PHETA2: variants seen among roughly 807,000 people sequenced by gnomAD.
The protein encoded by PHETA2 is PH domain containing endocytic trafficking adaptor 2.
For missense variants in PHETA2, 321 were observed against 341.3 expected, an observed-to-expected ratio of 0.94 and a Z score of 0.47; for synonymous variants, 133 against 142.9, an observed-to-expected ratio of 0.93 and a Z score of 0.50.
Position 42,077,271 on chromosome 22 carries a change from G to T in PHETA2, c.-14-9G>T. 6.6e-7 allele frequency: 1 copy of T among 1,515,560 alleles called. No homozygotes were observed. The highest frequency in any genetic ancestry group is 8.8e-7 in the Non-Finnish European group (1 of 1,133,346). The allele number at this position is 1,515,560 out of a possible 1,614,324, so 93.9% of individuals were successfully genotyped here. A position where few individuals can be genotyped will look rare whatever the true frequency, so the allele number is the denominator to read the frequency against. On this transcript the variant is annotated splice_polypyrimidine_tract_variant and intron_variant, in intron 2 of 2. Transcript: ENST00000321753. ...TCTCTGATCTGCTGCCATCTCTCTT[G>T]CCTCACAGTTCCCGTGGGAGCCATG...
Position 42,077,475 on chromosome 22 carries a change from G to A in PHETA2, c.182G>A (p.Arg61Gln), listed in dbSNP as rs772638586. The change falls in exon 3 of 3, where the codon CGG (arginine) becomes CAG (glutamine). Residue 61 changes from arginine (R) to glutamine (Q), a missense_variant. Physicochemically the swap from Arg to Gln is conservative, Grantham distance 43. Coordinates refer to ENST00000321753, the MANE Select transcript of PHETA2 (RefSeq NM_001002034.3). ...LLFSFESREGRAPLSLVVLEG... is the reference protein window; with the variant it reads ...LLFSFESREGQAPLSLVVLEG... Reference sequence around the variant, plus strand: ...TTCTCCTTTGAGAGTCGCGAGGGCCGGGCCCCACTGAGCCTGGTGGTGCTG... The same window carrying A: ...TTCTCCTTTGAGAGTCGCGAGGGCCAGGCCCCACTGAGCCTGGTGGTGCTG... The A allele has an allele frequency of 5.0e-6, 8 of 1,613,982 alleles. No individual in the cohort carries two copies. In the Admixed American group the frequency reaches 8.3e-5, roughly 17 times the overall value.
chr22:42,075,471 G>A lies in PHETA2; in HGVS notation c.-96-100G>A, dbSNP rs1927248477. ...GGGGGGATTCTCAGGGGTCAGGGAA[G>A]GCTTCCCGGTGGAGGCTGTGGTTTC... On this transcript the variant is annotated intron_variant, in intron 1 of 2. Transcript: ENST00000321753. The surrounding 1 kb of genome is among the most constrained non-coding windows in gnomAD (Gnocchi z 4.8). The A allele has an allele frequency of 6.6e-6, 1 of 152,482 alleles. No homozygotes were observed. Among genetic ancestry groups the A allele is most frequent in the Admixed American group, 6.5e-5 (1 of 15,288 alleles). 9.4% of individuals were successfully genotyped at this position (152,482 alleles called of 1,614,324 possible). A position where few individuals can be genotyped will look rare whatever the true frequency, so the allele number is the denominator to read the frequency against.
In PHETA2 at chr22:42,079,297, G is replaced by T. The variant is rs977765561; in HGVS notation, c.*1224G>T. The T allele has an allele frequency of 9.4e-5, 16 of 170,112 alleles. No homozygotes were observed. The highest frequency in any genetic ancestry group is 3.6e-4 in the African/African-American group (15 of 41,592). 10.5% of individuals were successfully genotyped at this position (170,112 alleles called of 1,614,324 possible). On this transcript the variant is annotated 3_prime_UTR_variant, in exon 3 of 3. Transcript: ENST00000321753. ...TAAGAGGCGGAGATGCGCCCAAGGC[G>T]GGCGCCCGGCCTGTTCCCCAGCCCT... is the stretch of plus-strand genomic sequence containing the variant.
Position 42,077,403 on chromosome 22 carries a change from G to A in PHETA2, c.110G>A (p.Ser37Asn), listed in dbSNP as rs1927326482. Residue 37 changes from serine to asparagine, a missense_variant, in exon 3 of 3, where the codon AGT becomes AAT. Ser to Asn is a conservative substitution (Grantham distance 46, BLOSUM62 1). Coordinates refer to ENST00000321753, the MANE Select transcript of PHETA2 (RefSeq NM_001002034.3). ...WGGPGTPPTP[S>N]GTGRRCWFVL... ...GGCCCAGGGACCCCACCGACCCCCA[G>A]TGGCACTGGCCGAAGATGCTGGTTT... 1 of 1,611,590 alleles carries A rather than the reference G, an allele frequency of 6.2e-7. No individual in the cohort carries two copies. The highest frequency in any genetic ancestry group is 1.1e-5 in the South Asian group (1 of 90,766).
chr22:42,076,496 T>C (rs1400113514), intron 2 of PHETA2, among the ~76,000 whole-genome samples: 1 of 152,078 alleles, frequency 6.6e-6, no homozygotes, highest in Non-Finnish European at 1.5e-5. Context: ...TTCACCATGT[T>C]GGCCAGGCTG....
In PHETA2 at chr22:42,078,351, C is replaced by T. The variant is rs1927426782; in HGVS notation, c.*278C>T. ...CTGCACTGGCCTGACTGCCCCCTCC[C>T]AGGGGATGTTAATGAAATGAAGGAA... On this transcript the variant is annotated 3_prime_UTR_variant, in exon 3 of 3. Transcript: ENST00000321753. 2.4e-6 allele frequency: 1 copy of T among 421,288 alleles called. No homozygotes were observed. The highest frequency in any genetic ancestry group is 2.1e-5 in the African/African-American group (1 of 48,528). 26.1% of individuals were successfully genotyped at this position (421,288 alleles called of 1,614,324 possible).
rs1225653018 is a variant in PHETA2, at chr22:42,077,500, G to A, written c.207G>A (p.Leu69=). 1.9e-6 allele frequency: 3 copies of A among 1,614,042 alleles called. No homozygotes were observed. The highest frequency in any genetic ancestry group is 1.7e-6 in the Non-Finnish European group (2 of 1,180,036). Residue 69 remains leucine, a synonymous_variant, in exon 3 of 3, where the codon CTG becomes CTA. Coordinates refer to ENST00000321753, the MANE Select transcript of PHETA2 (RefSeq NM_001002034.3). The stretch of plus-strand genomic sequence containing the variant: ...GGGCCCCACTGAGCCTGGTGGTGCT[G>A]GAAGGCTGCACAGTGGAACTGGCCG... The part of the protein sequence containing the change: ...EGRAPLSLVV[L]EGCTVELAEA...
rs901539002 is a variant in PHETA2, at chr22:42,078,312, C to A, written c.*239C>A. On this transcript the variant is annotated 3_prime_UTR_variant, in exon 3 of 3. Transcript: ENST00000321753. ...GAGACTTAGCAGCCACAGAGCAAGA[C>A]CCCAATCTCCTGACTGCACTGGCCT... 3.9e-6 allele frequency: 2 copies of A among 516,044 alleles called. No homozygotes were observed. The highest frequency in any genetic ancestry group is 6.9e-6 in the Non-Finnish European group (2 of 288,530). 32.0% of individuals were successfully genotyped at this position (516,044 alleles called of 1,614,324 possible).
intron 1 of PHETA2, among the ~76,000 whole-genome samples, chr22:42,074,790 G>C (rs373895419): frequency 7.9e-5 from 12 of 152,230 alleles, no homozygotes; most frequent in African/African-American, 2.6e-4. Flanking sequence ...CCCTTCCTGG[G>C]CCCCCCCTAC....
chr22:42,077,857 G>A lies in PHETA2; in HGVS notation c.564G>A (p.Ala188=), dbSNP rs746475341. ...GCCCTGTGGGCTTGGTTGAAGAAGC[G>A]GGCAGCAGGTCTGCAGGGTGGGGGT... The part of the protein sequence containing the change: ...DSSPVGLVEE[A]GSRSAGWGLA... Residue 188 remains alanine, a synonymous_variant, in exon 3 of 3, where the codon GCG becomes GCA. Coordinates refer to ENST00000321753, the MANE Select transcript of PHETA2 (RefSeq NM_001002034.3). 28 of 1,613,324 alleles carry A rather than the reference G, an allele frequency of 1.7e-5. No homozygotes were observed. The Middle Eastern group carries it at 8.3e-4, about 48-fold the overall frequency.
chr22:42,077,477 G>T lies in PHETA2; in HGVS notation c.184G>T (p.Ala62Ser). The T allele has an allele frequency of 6.2e-7, 1 of 1,614,106 alleles. No homozygotes were observed. Among genetic ancestry groups the T allele is most frequent in the Non-Finnish European group, 8.5e-7 (1 of 1,180,010 alleles). The change falls in exon 3 of 3, where the codon GCC (alanine) becomes TCC (serine). Residue 62 changes from alanine to serine, a missense_variant. Coordinates refer to ENST00000321753, the MANE Select transcript of PHETA2 (RefSeq NM_001002034.3). ...LFSFESREGR[A>S]PLSLVVLEGC... ...CTCCTTTGAGAGTCGCGAGGGCCGG[G>T]CCCCACTGAGCCTGGTGGTGCTGGA...
At chr22:42,074,903 C>T (rs989664006) in intron 1 of PHETA2, among the ~76,000 whole-genome samples, 6 of 152,296 alleles carry the variant, frequency 3.9e-5, no homozygotes, top group Non-Finnish European at 8.8e-5. Context: ...ATTATTCTTT[C>T]ATTAATTTAT....
rs923162806 is a variant in PHETA2 at position 42,079,207 on chromosome 22, G to A, written c.*1134G>A. On this transcript the variant is annotated 3_prime_UTR_variant, in exon 3 of 3. Coordinates refer to ENST00000321753, the MANE Select transcript of PHETA2 (RefSeq NM_001002034.3). ...TCCTAGCCTCGGCTCCCCTCACTGG[G>A]GCCTTGGGCAGGACCGACCCGCATC... is the stretch of plus-strand genomic sequence containing the variant. 1 of 167,328 alleles carries A rather than the reference G, an allele frequency of 6.0e-6. No individual in the cohort carries two copies. The highest frequency in any genetic ancestry group is 1.5e-5 in the Non-Finnish European group (1 of 68,290). The allele number at this position is 167,328 out of a possible 1,614,324, so 10.4% of individuals were successfully genotyped here. A position where few individuals can be genotyped will look rare whatever the true frequency, so the allele number is the denominator to read the frequency against.
intron 1 of PHETA2, 93 bp downstream of exon 1, chr22:42,074,434 G>A (rs997105445): frequency 6.6e-6 from 1 of 152,344 alleles, no homozygotes; most frequent in Non-Finnish European, 1.5e-5. Context: ...ACGCGAGGAC[G>A]GGGAAACCAA....
Position 42,077,931 on chromosome 22 carries a change from G to A in PHETA2, c.638G>A (p.Gly213Glu). Residue 213 changes from glycine to glutamate, a missense_variant, in exon 3 of 3, where the codon GGG becomes GAG. Gly to Glu is a moderately conservative substitution (Grantham distance 98, BLOSUM62 -2). Coordinates refer to ENST00000321753, the MANE Select transcript of PHETA2 (RefSeq NM_001002034.3). Reference protein sequence around the residue: ...QGPASLLLGKGQSPVSPETSC... With the variant: ...QGPASLLLGKEQSPVSPETSC... ...CCTGCCAGCCTCCTCCTAGGCAAGGGGCAGAGCCCTGTGTCCCCTGAGACC... is the reference window on the plus strand; with the variant it reads ...CCTGCCAGCCTCCTCCTAGGCAAGGAGCAGAGCCCTGTGTCCCCTGAGACC... 1 of 1,613,034 alleles carries A rather than the reference G, an allele frequency of 6.2e-7. No individual in the cohort carries two copies. Among genetic ancestry groups the A allele is most frequent in the South Asian group, 1.1e-5 (1 of 90,920 alleles).
intron 2 of PHETA2, chr22:42,076,151 TACA>T (rs1196005689): frequency 9.1e-6 from 2 of 219,376 alleles, no homozygotes; most frequent in African/African-American, 4.6e-5. Flanking sequence ...GCTCATGAAC[TACA>T]AAAGGATCAA....
chr22:42,077,388 C>T lies in PHETA2; in HGVS notation c.95C>T (p.Thr32Ile). The T allele has an allele frequency of 1.2e-6, 2 of 1,605,418 alleles. No homozygotes were observed. The highest frequency in any genetic ancestry group is 1.7e-6 in the Non-Finnish European group (2 of 1,175,260). Reference sequence around the variant, plus strand: ...CTGCGCACCTGGGGGGGCCCAGGGACCCCACCGACCCCCAGTGGCACTGGC... The same window carrying T: ...CTGCGCACCTGGGGGGGCCCAGGGATCCCACCGACCCCCAGTGGCACTGGC... ...GFLRTWGGPG[T>I]PPTPSGTGRR... Residue 32 changes from threonine (T) to isoleucine (I), a missense_variant, in exon 3 of 3, where the codon ACC (threonine) becomes ATC (isoleucine). Coordinates refer to ENST00000321753, the MANE Select transcript of PHETA2 (RefSeq NM_001002034.3).
At chr22:42,076,544 G>A (rs1037846285) in intron 2 of PHETA2, among the ~76,000 whole-genome samples, 1 of 151,892 alleles carries the variant, frequency 6.6e-6, no homozygotes, top group Non-Finnish European at 1.5e-5. Flanking sequence ...CACCCACCTC[G>A]GCCTCCCAAA....
chr22:42,074,662 C>G (rs1818968513), intron 1 of PHETA2, among the ~76,000 whole-genome samples: 1 of 152,128 alleles, frequency 6.6e-6, no homozygotes. Context: ...CTTCCCCAGA[C>G]GCGGGGGAGG....
Sources: allele counts gnomAD v4.1 joint callset (sites outside exome capture counted in the v4.1 genomes callset), GRCh38; gene constraint gnomAD v4.1.1; non-coding constraint Gnocchi (gnomAD v3.1); transcripts MANE v1.5; gene names NCBI Gene and HGNC (gene_info 2026-07-23, HGNC 2026-07-21).